Variants in DOCK2 observed in about 807,000 individuals in gnomAD.
DOCK2 encodes dedicator of cytokinesis 2, also known as dedicator of cytokinesis protein 2.
In DOCK2, 87 loss-of-function variants were observed where a neutral mutation model predicts 248.9. That is an observed-to-expected ratio of 0.35 (90% CI 0.29 to 0.42). The LOEUF (loss-of-function observed/expected upper bound fraction) is 0.42, where lower values mean the gene tolerates loss of function less well. Ranked by LOEUF, DOCK2 falls within the 10% of genes least tolerant of loss-of-function variation. The pLI is 1.00. For missense variants in DOCK2, 1,747 were observed against 2,300.2 expected (o/e 0.76, Z 4.92); for synonymous variants, 805 against 821.6 (o/e 0.98, Z 0.35).
At chr5:169,895,014 C>G (rs1388933038) in intron 27 of DOCK2, among the ~76,000 whole-genome samples, 4 of 152,138 alleles carry the variant, frequency 2.6e-5, no homozygotes, top group African/African-American at 9.7e-5. Context: ...TCATTTCCTC[C>G]TCTCGTGCAG....
chr5:170,034,564 G>A lies in DOCK2; in HGVS notation c.3624+9G>A, dbSNP rs1756254667. On this transcript the variant is annotated intron_variant, in intron 35 of 51. Coordinates refer to ENST00000520908, the MANE Select transcript of DOCK2 (RefSeq NM_004946.3). ...GCACCGTGAACCTGCTGGTGCGTGG[G>A]GCTGGCGGGTCCAAGTCAGACCAGA... 1 of 1,613,888 alleles carries A rather than the reference G, an allele frequency of 6.2e-7. No individual in the cohort carries two copies. Among genetic ancestry groups the A allele is most frequent in the Non-Finnish European group, 8.5e-7 (1 of 1,179,874 alleles).
chr5:169,678,114 C>T (rs1456690300), intron 6 of DOCK2, among the ~76,000 whole-genome samples: 1 of 151,572 alleles, frequency 6.6e-6, no homozygotes, highest in East Asian at 1.9e-4. Context: ...TTAACAAGCA[C>T]AGAGTTAAGT....
intron 27 of DOCK2, among the ~76,000 whole-genome samples, chr5:169,930,757 C>T (rs887731791): frequency 3.3e-5 from 5 of 152,202 alleles, no homozygotes; most frequent in Non-Finnish European, 4.4e-5. Context: ...GGGTGGAAGG[C>T]ACTGTGGGTG....
chr5:169,821,269 C>T lies in DOCK2; in HGVS notation c.2703+18063C>T, dbSNP rs570494801. On this transcript the variant is annotated intron_variant, in intron 26 of 51. Transcript: ENST00000520908. ...ACTCAAATTCCAGAAATACAGAGAA[C>T]GCCACAAAGATACTCCTCGAGAAGA... Among the ~76,000 whole-genome samples, 10 of 152,174 alleles carry T rather than the reference C, an allele frequency of 6.6e-5. No homozygotes were observed. The South Asian group carries it at 8.3e-4, about 13-fold the overall frequency.
intron 27 of DOCK2, among the ~76,000 whole-genome samples, chr5:169,868,021 A>C (rs1425411556): frequency 6.6e-6 from 1 of 152,220 alleles, no homozygotes; most frequent in Non-Finnish European, 1.5e-5. Context: ...TGCCCTCCCT[A>C]CTGTGACAGA....
intron 27 of DOCK2, chr5:169,883,784 ATCTCACCT>A (rs1456957313): frequency 1.9e-6 from 3 of 1,551,436 alleles, no homozygotes; most frequent in Non-Finnish European, 2.6e-6. Context: ...TCTTCCTTGA[ATCTCACCT>A]GCTGGGATTT....
At chr5:169,952,126 A>T (rs116032814) in intron 27 of DOCK2, among the ~76,000 whole-genome samples, 309 of 152,328 alleles carry the variant, frequency 2.0e-3, no homozygotes, top group African/African-American at 6.8e-3. Context: ...TTGCCCCTGA[A>T]CTGTGACTAA....
At chr5:169,828,480 G>C (rs1273397819) in intron 26 of DOCK2, among the ~76,000 whole-genome samples, 1 of 152,162 alleles carries the variant, frequency 6.6e-6, no homozygotes. Flanking sequence ...AATGAGGATA[G>C]TAGACCTTTG....
At chr5:170,012,884 G>A (rs11954253) in intron 32 of DOCK2, among the ~76,000 whole-genome samples, 3,985 of 152,204 alleles carry the variant, frequency 0.026, 164 homozygotes, top group African/African-American at 0.092. Flanking sequence ...CTGGCATCTC[G>A]GCCTCCCATG....
intron 27 of DOCK2, among the ~76,000 whole-genome samples, chr5:169,974,844 GAC>G (rs764215792): frequency 2.3e-4 from 34 of 149,656 alleles, no homozygotes; most frequent in Non-Finnish European, 3.5e-4. Context: ...CCCTCCCCCC[GAC>G]ACACACACAT....
chr5:169,949,455 C>T (rs1382675611), intron 27 of DOCK2, among the ~76,000 whole-genome samples: 1 of 151,980 alleles, frequency 6.6e-6, no homozygotes, highest in Non-Finnish European at 1.5e-5. Flanking sequence ...CCCAGTTTGG[C>T]TGAAGGGAAG....
At chr5:169,784,056 C>T (rs1452431720) in intron 25 of DOCK2, among the ~76,000 whole-genome samples, 2 of 152,022 alleles carry the variant, frequency 1.3e-5, no homozygotes, top group Non-Finnish European at 2.9e-5. Context: ...TTTCAAAGTC[C>T]AGGGATGTGC....
At chr5:169,785,479 T>C (rs1371156838) in intron 25 of DOCK2, among the ~76,000 whole-genome samples, 1 of 152,236 alleles carries the variant, frequency 6.6e-6, no homozygotes, top group Non-Finnish European at 1.5e-5. Context: ...AATAGGAATA[T>C]TAAAGTTATT....
At chr5:169,638,041 G>A (rs1342571540) in intron 1 of DOCK2, among the ~76,000 whole-genome samples, 2 of 152,182 alleles carry the variant, frequency 1.3e-5, no homozygotes, top group East Asian at 3.9e-4. Context: ...CGGAAGTGGT[G>A]GCTGGGGGAA....
intron 13 of DOCK2, among the ~76,000 whole-genome samples, chr5:169,701,673 C>T (rs1298158078): frequency 6.6e-6 from 1 of 152,082 alleles, no homozygotes; most frequent in Non-Finnish European, 1.5e-5. Context: ...TGCCACCACA[C>T]TCGGCTAATT....
intron 23 of DOCK2, among the ~76,000 whole-genome samples, chr5:169,749,893 A>T (rs1015273810): frequency 6.6e-6 from 1 of 152,236 alleles, no homozygotes; most frequent in Non-Finnish European, 1.5e-5. Context: ...AGCAGGGGAC[A>T]GCATGAGGAG....
chr5:169,840,571 C>T (rs568402590), intron 26 of DOCK2, among the ~76,000 whole-genome samples, 186 bp from the exon 27 acceptor site: 6 of 150,712 alleles, frequency 4.0e-5, no homozygotes, highest in Admixed American at 6.6e-5. Context: ...GTGGTAATGA[C>T]GATGGAGATA....
Position 169,734,239 on chromosome 5 carries a change from T to A in DOCK2, c.2268-13157T>A, listed in dbSNP as rs1284186383. On this transcript the variant is annotated intron_variant, in intron 22 of 51. Transcript: ENST00000520908. ...ACTCCATTTTGTTCTTTTTCAAATC[T>A]AATTTTTTGTTTTTATAATATTTTG... is the stretch of plus-strand genomic sequence containing the variant. 3.3e-5 allele frequency among the ~76,000 whole-genome samples: 5 copies of A among 152,142 alleles called. No homozygotes were observed. In the East Asian group the frequency reaches 9.6e-4, roughly 29 times the overall value.
intron 27 of DOCK2, among the ~76,000 whole-genome samples, chr5:169,943,316 A>G (rs1195960490): frequency 6.6e-6 from 1 of 152,142 alleles, no homozygotes; most frequent in Non-Finnish European, 1.5e-5. Context: ...GTAGCTGTCT[A>G]AAGGTTGATC....
Sources: gnomAD v4.1 joint callset for allele counts (sites outside exome capture counted in the v4.1 genomes callset) on GRCh38, gnomAD v4.1.1 for gene constraint, MANE v1.5 for transcripts, NCBI Gene and HGNC (gene_info 2026-07-23, HGNC 2026-07-21) for gene names.